The following MAP4K3 variants were observed in gnomAD, a reference collection of about 807,000 sequenced individuals.
MAP4K3 encodes the protein mitogen-activated protein kinase kinase kinase kinase 3.
MAP4K3 carries 94 observed loss-of-function variants against 143.5 expected under a neutral mutation model. That is an observed-to-expected ratio of 0.65 (90% CI 0.55 to 0.78). The LOEUF is 0.78. Among genes scored for constraint, MAP4K3 ranks in the 30% least tolerant of loss-of-function variants. The pLI is 0.00. For synonymous variants in MAP4K3, 416 were observed against 347.2 expected (o/e 1.20, Z -2.20); for missense variants, 1,077 against 1,068.1 (o/e 1.01, Z -0.12).
chr2:39,423,379 G>A (rs1266660811), intron 1 of MAP4K3, among the ~76,000 whole-genome samples: 2 of 152,122 alleles, frequency 1.3e-5, no homozygotes, highest in Non-Finnish European at 2.9e-5. Context: ...AGAGCTAAAA[G>A]CAGTCTTACC....
chr2:39,366,974 T>C (rs1043413590), intron 2 of MAP4K3, among the ~76,000 whole-genome samples: 4 of 152,226 alleles, frequency 2.6e-5, no homozygotes, highest in African/African-American at 9.6e-5. Flanking sequence ...AATAATCCTA[T>C]TGATTCCTAC....
At chr2:39,351,422 A>G (rs1389695265) in intron 3 of MAP4K3, among the ~76,000 whole-genome samples, 4 of 152,210 alleles carry the variant, frequency 2.6e-5, no homozygotes, top group Non-Finnish European at 4.4e-5. Flanking sequence ...CCTTACTTCT[A>G]AATTATTACT....
At chr2:39,303,320 A>C (rs557164450) in intron 15 of MAP4K3, among the ~76,000 whole-genome samples, 10 of 152,322 alleles carry the variant, frequency 6.6e-5, no homozygotes, top group African/African-American at 1.4e-4. Flanking sequence ...ATTTCTTAAA[A>C]AGTCAGAAAA....
At position 39,258,575 on chromosome 2, in the gene MAP4K3, G is replaced by C; in HGVS notation, c.2321C>G (p.Thr774Arg). 5 of 1,612,946 alleles carry C rather than the reference G, an allele frequency of 3.1e-6. No homozygotes were observed. The highest frequency in any genetic ancestry group is 4.2e-6 in the Non-Finnish European group (5 of 1,178,952). Residue 774 changes from threonine (T) to arginine (R), a missense_variant, in exon 30 of 34, where the codon ACA (threonine) becomes AGA (arginine). Thr to Arg is a moderately conservative substitution (Grantham distance 71). Coordinates refer to ENST00000263881, the MANE Select transcript of MAP4K3 (RefSeq NM_003618.4). ...CAGTTGGGTTACATGAGTAACATTT[G>C]TCTGTGGGGTATCTACAATACAAAC... ...SWFTESDTPQ[T>R]NVTHVTQLER...
At chr2:39,359,301 G>T (rs976761938) in intron 2 of MAP4K3, among the ~76,000 whole-genome samples, 2 of 152,106 alleles carry the variant, frequency 1.3e-5, no homozygotes, top group African/African-American at 4.8e-5. Context: ...GTTCCAAAAT[G>T]ACCTCTTTTG....
chr2:39,270,069 T>A (rs1014581024), intron 26 of MAP4K3, among the ~76,000 whole-genome samples: 6 of 152,190 alleles, frequency 3.9e-5, no homozygotes, highest in African/African-American at 1.4e-4. Flanking sequence ...CTGTCCACAC[T>A]TGTGAACTTG....
chr2:39,315,283 C>G (rs371494181), intron 13 of MAP4K3, 27 bp downstream of exon 13: 1 of 1,407,148 alleles, frequency 7.1e-7, no homozygotes, highest in African/African-American at 1.4e-5. Context: ...ATCATTAAAT[C>G]ATAAACTGTG....
intron 1 of MAP4K3, among the ~76,000 whole-genome samples, chr2:39,400,668 T>C (rs1666930562): frequency 1.3e-5 from 2 of 152,030 alleles, no homozygotes; most frequent in Non-Finnish European, 2.9e-5. Context: ...TTTATTATTA[T>C]AAATTATGAC....
intron 2 of MAP4K3, among the ~76,000 whole-genome samples, chr2:39,377,618 G>C (rs151331029): frequency 1.3e-5 from 2 of 152,152 alleles, no homozygotes; most frequent in Non-Finnish European, 2.9e-5. Flanking sequence ...GTGGAAGCTA[G>C]ATCTCCTGAG....
chr2:39,256,357 T>C (rs1468915540), intron 31 of MAP4K3, among the ~76,000 whole-genome samples: 7 of 152,200 alleles, frequency 4.6e-5, no homozygotes. Flanking sequence ...TCCACTTTAA[T>C]GGGAATTAAT....
chr2:39,324,200 A>G (rs1683411551), intron 12 of MAP4K3, among the ~76,000 whole-genome samples: 1 of 152,192 alleles, frequency 6.6e-6, no homozygotes, highest in Non-Finnish European at 1.5e-5. Flanking sequence ...CAAGGTCAGG[A>G]GTTCGAGACC....
intron 4 of MAP4K3, among the ~76,000 whole-genome samples, chr2:39,342,190 G>GTCCA (rs1665163225): frequency 6.6e-6 from 1 of 151,614 alleles, no homozygotes; most frequent in Non-Finnish European, 1.5e-5. Flanking sequence ...CCAGGCTGTA[G>GTCCA]TCCAACGGTG....
intron 1 of MAP4K3, among the ~76,000 whole-genome samples, chr2:39,408,150 C>T (rs1009804713): frequency 6.6e-6 from 1 of 152,130 alleles, no homozygotes; most frequent in Admixed American, 6.5e-5. Flanking sequence ...ATAAAAAAAA[C>T]CATCTAGATA....
chr2:39,434,356 C>T (rs1408240954), intron 1 of MAP4K3, among the ~76,000 whole-genome samples: 3 of 152,100 alleles, frequency 2.0e-5, no homozygotes, highest in South Asian at 2.1e-4. Context: ...AAGAGTTTGG[C>T]AGGCAGGGGT....
chr2:39,273,898 GA>G lies in MAP4K3; in HGVS notation c.1795-1357del, dbSNP rs767915355. ...GGCTATACTGAAAAAATCAGGTAGA[GA>G]AGGGGCAATGACTTATTCCAGACCA... On this transcript the variant is annotated intron_variant, in intron 24 of 33. Coordinates refer to ENST00000263881, the MANE Select transcript of MAP4K3 (RefSeq NM_003618.4). Among the ~76,000 whole-genome samples, 257 of 152,316 alleles carry G rather than the reference GA, an allele frequency of 1.7e-3. 1 individual carries two copies. The highest frequency in any genetic ancestry group is 3.2e-3 in the Non-Finnish European group (216 of 68,018).
chr2:39,259,873 C>T (rs1451588560), intron 29 of MAP4K3, among the ~76,000 whole-genome samples: 1 of 152,116 alleles, frequency 6.6e-6, no homozygotes, highest in Non-Finnish European at 1.5e-5. Context: ...GTTTCCTATA[C>T]ACAGTGTCCT....
At chr2:39,338,052 T>C (rs529135208) in intron 4 of MAP4K3, among the ~76,000 whole-genome samples, 1 of 152,240 alleles carries the variant, frequency 6.6e-6, no homozygotes, top group Admixed American at 6.5e-5. Flanking sequence ...TGTGAGCCAC[T>C]GTGCCCAGCC....
At chr2:39,263,956 A>C (rs1020132869) in intron 28 of MAP4K3, among the ~76,000 whole-genome samples, 5 of 152,264 alleles carry the variant, frequency 3.3e-5, no homozygotes, top group African/African-American at 1.2e-4. Context: ...TAGATAACAC[A>C]TAAAATTCAT....
chr2:39,280,246 T>C, intron 23 of MAP4K3, 26 bp downstream of exon 23: 1 of 1,336,136 alleles, frequency 7.5e-7, no homozygotes, highest in Non-Finnish European at 1.0e-6. Context: ...ATTAGGAAGA[T>C]AACAGATAAA....
Sources: gnomAD v4.1 joint callset for allele counts (sites outside exome capture counted in the v4.1 genomes callset) on GRCh38, gnomAD v4.1.1 for gene constraint, MANE v1.5 for transcripts, NCBI Gene and HGNC (gene_info 2026-07-23, HGNC 2026-07-21) for gene names.